Variants in IL1RAPL1 observed in about 807,000 individuals in gnomAD.
IL1RAPL1 encodes the protein interleukin-1 receptor accessory protein-like 1.
IL1RAPL1 carries 3 observed loss-of-function variants against 48.4 expected under a neutral mutation model. That is an observed-to-expected ratio of 0.06 (90% CI 0.03 to 0.16). The LOEUF is 0.16. IL1RAPL1 is among the 10% of genes least tolerant of loss of function. The probability of loss-of-function intolerance (pLI) is 1.00; values close to 1 mark genes in which losing one functional copy is unlikely to be tolerated. For synonymous variants in IL1RAPL1, 185 were observed against 187.7 expected (o/e 0.99, Z 0.12); for missense variants, 349 against 530.6 (o/e 0.66, Z 3.36).
At position 29,019,040 on chromosome X, in the gene IL1RAPL1, G is replaced by A. The variant is rs747776620; in HGVS notation, c.82+229615G>A. On this transcript the variant is annotated intron_variant, in intron 2 of 10. Transcript: ENST00000378993. ...CAAACACGTCTTTCCTCACAAGACAGTAAGAGAGAGAAGATTGAGTGCCCA... is the reference window on the plus strand; with the variant it reads ...CAAACACGTCTTTCCTCACAAGACAATAAGAGAGAGAAGATTGAGTGCCCA... Among the ~76,000 whole-genome samples, 4 of 111,981 alleles carry A rather than the reference G, an allele frequency of 3.6e-5. No homozygotes were observed. The South Asian group carries it at 1.5e-3, about 42-fold the overall frequency.
chrX:29,215,577 T>C (rs971964796), intron 2 of IL1RAPL1, among the ~76,000 whole-genome samples: 2 of 110,725 alleles, frequency 1.8e-5, no homozygotes, highest in African/African-American at 6.6e-5. Flanking sequence ...ACATTATAAA[T>C]AGGACAGTTA....
chrX:29,355,917 T>A (rs1933295552), intron 3 of IL1RAPL1, among the ~76,000 whole-genome samples: 1 of 111,501 alleles, frequency 9.0e-6, no homozygotes, highest in East Asian at 2.8e-4. Flanking sequence ...TTTTCAGGAT[T>A]ACTCAGAATA....
At chrX:29,449,780 C>CACACACACACACACACAGAGAG (rs557765024) in intron 5 of IL1RAPL1, among the ~76,000 whole-genome samples, 2 of 58,277 alleles carry the variant, frequency 3.4e-5, no homozygotes, top group Non-Finnish European at 6.2e-5. Flanking sequence ...CACACACACA[C>CACACACACACACACACAGAGAG]AGAGAGAGAG....
intron 5 of IL1RAPL1, among the ~76,000 whole-genome samples, chrX:29,431,247 A>G (rs955105651): frequency 1.8e-5 from 2 of 112,184 alleles, no homozygotes; most frequent in African/African-American, 6.5e-5. Flanking sequence ...GCTCTACCTC[A>G]GTAATTCTCA....
chrX:28,960,129 G>A (rs149604684), intron 2 of IL1RAPL1, among the ~76,000 whole-genome samples: 1,884 of 111,756 alleles, frequency 0.017, 7 homozygotes, highest in Middle Eastern at 0.06. Context: ...GATGAGGCAC[G>A]TGTATACCTA....
At chrX:29,443,231 G>GCTCTCTCTCTCTCTCTCTCTCTCTCTCT (rs376805298) in intron 5 of IL1RAPL1, among the ~76,000 whole-genome samples, 8 of 93,967 alleles carry the variant, frequency 8.5e-5, no homozygotes, top group Admixed American at 8.2e-4. Context: ...GCTCTCGCTT[G>GCTCTCTCTCTCTCTCTCTCTCTCTCTCT]CTCTCTCTCT....
At chrX:28,815,100 T>G in intron 2 of IL1RAPL1, among the ~76,000 whole-genome samples, 1 of 108,237 alleles carries the variant, frequency 9.2e-6, no homozygotes, top group Admixed American at 9.8e-5. Context: ...AAAAACAAAA[T>G]ACTTTACCTT....
intron 2 of IL1RAPL1, among the ~76,000 whole-genome samples, chrX:29,221,988 C>T (rs970521992): frequency 5.8e-5 from 5 of 86,441 alleles, no homozygotes; most frequent in African/African-American, 2.3e-4. Context: ...CCAACCTGGG[C>T]GACAGAGTGA....
At chrX:29,227,310 A>C (rs1453230557) in intron 2 of IL1RAPL1, among the ~76,000 whole-genome samples, 2 of 104,745 alleles carry the variant, frequency 1.9e-5, no homozygotes, top group Non-Finnish European at 4.0e-5. Context: ...CCTCCTTTTC[A>C]AAAAAAAAAA....
chrX:29,670,667 G>A (rs1026563167), intron 6 of IL1RAPL1, among the ~76,000 whole-genome samples: 1 of 111,937 alleles, frequency 8.9e-6, no homozygotes, highest in Non-Finnish European at 1.9e-5. Flanking sequence ...AGACAAAAAA[G>A]GCTTGAGATG....
At chrX:29,490,834 A>ATGTGTGTG (rs199987230) in intron 5 of IL1RAPL1, among the ~76,000 whole-genome samples, 3 of 95,998 alleles carry the variant, frequency 3.1e-5, no homozygotes, top group African/African-American at 1.4e-4. Context: ...CATCTGAGGT[A>ATGTGTGTG]TGTGTGTGTG....
intron 2 of IL1RAPL1, among the ~76,000 whole-genome samples, chrX:28,869,025 T>G (rs1457219589): frequency 6.2e-5 from 7 of 112,743 alleles, no homozygotes; most frequent in Admixed American, 3.8e-4. Flanking sequence ...TGTCCCATGC[T>G]TTGCAGTGCT....
chrX:29,932,252 A>G (rs1205991514), intron 8 of IL1RAPL1, among the ~76,000 whole-genome samples: 1 of 112,113 alleles, frequency 8.9e-6, no homozygotes, highest in Admixed American at 9.5e-5. Flanking sequence ...TGCCTTTATA[A>G]TCTAAAGGGG....
At chrX:28,789,253 ACT>A in intron 1 of IL1RAPL1, 65 bp from the exon 2 acceptor site, 1 of 598,023 alleles carries the variant, frequency 1.7e-6, no homozygotes, top group Non-Finnish European at 2.8e-6. Flanking sequence ...AAGTTATGAA[ACT>A]CTAATAATAT....
intron 2 of IL1RAPL1, among the ~76,000 whole-genome samples, chrX:29,145,202 T>G (rs1036080145): frequency 8.9e-6 from 1 of 111,831 alleles, no homozygotes; most frequent in African/African-American, 3.3e-5. Flanking sequence ...TTTCTGAAAA[T>G]CAGTAAAGAC....
intron 6 of IL1RAPL1, among the ~76,000 whole-genome samples, chrX:29,790,010 A>G (rs1045685596): frequency 1.8e-5 from 2 of 111,317 alleles, no homozygotes; most frequent in Admixed American, 9.5e-5. Flanking sequence ...ATTAAAATTC[A>G]TAAGTGTAAT....
At chrX:28,598,772 G>A (rs754157355) in intron 1 of IL1RAPL1, among the ~76,000 whole-genome samples, 2 of 108,641 alleles carry the variant, frequency 1.8e-5, no homozygotes, top group African/African-American at 3.3e-5. Context: ...GGGATTACAG[G>A]TGTGCGCCAC....
rs910746534 is a variant in IL1RAPL1 at position 29,346,910 on chromosome X, C to T, written c.363-49348C>T. Among the ~76,000 whole-genome samples, 6 of 111,976 alleles carry T rather than the reference C, an allele frequency of 5.4e-5. No homozygotes were observed. In the South Asian group the frequency reaches 1.1e-3, roughly 21 times the overall value. ...CTTAAAATCAAGAGTGAAACATATA[C>T]GCTGAAAAATGGCAGTATTAATTAG... is the stretch of plus-strand genomic sequence containing the variant. On this transcript the variant is annotated intron_variant, in intron 3 of 10. Coordinates refer to ENST00000378993, the MANE Select transcript of IL1RAPL1 (RefSeq NM_014271.4).
At chrX:29,534,866 G>A (rs1345815412) in intron 5 of IL1RAPL1, among the ~76,000 whole-genome samples, 1 of 109,272 alleles carries the variant, frequency 9.2e-6, no homozygotes, top group African/African-American at 3.3e-5. Context: ...CTGCTCGGGA[G>A]GCTGAGGCAG....
Sources: gnomAD v4.1 joint callset for allele counts (sites outside exome capture counted in the v4.1 genomes callset) on GRCh38, gnomAD v4.1.1 for gene constraint, MANE v1.5 for transcripts, NCBI Gene and HGNC (gene_info 2026-07-23, HGNC 2026-07-21) for gene names.